TGFB2: variants seen among roughly 807,000 people sequenced by gnomAD.
The protein encoded by TGFB2 is transforming growth factor beta-2 proprotein.
In TGFB2, 13 loss-of-function variants were observed where a neutral mutation model predicts 42.7. That is an observed-to-expected ratio of 0.30 (90% CI 0.20 to 0.48). The LOEUF (loss-of-function observed/expected upper bound fraction) is 0.48. Ranked by LOEUF, TGFB2 falls within the 20% of genes least tolerant of loss-of-function variation. The pLI, the probability that TGFB2 is intolerant of heterozygous loss-of-function variation, is 0.99. For synonymous variants in TGFB2, 193 were observed against 193.6 expected, an observed-to-expected ratio of 1.00 and a Z score of 0.03; for missense variants, 390 against 517.5, an observed-to-expected ratio of 0.75 and a Z score of 2.39.
chr1:218,346,909 A>G lies in TGFB2; in HGVS notation c.208A>G (p.Ile70Val), dbSNP rs1656702743. 2 of 1,614,214 alleles carry G rather than the reference A, an allele frequency of 1.2e-6. No homozygotes were observed. Among genetic ancestry groups the G allele is most frequent in the Non-Finnish European group, 1.7e-6 (2 of 1,180,052 alleles). ...PEEVPPEVIS[I>V]YNSTRDLLQE... ...GGAAGTCCCCCCGGAGGTGATTTCC[A>G]TCTACAACAGCACCAGGGACTTGCT... Residue 70 changes from isoleucine (I) to valine (V), a missense_variant, in exon 1 of 7, where the codon ATC (isoleucine) becomes GTC (valine). By Grantham distance (29) the Ile-to-Val change is conservative. Coordinates refer to ENST00000366930, the MANE Select transcript of TGFB2 (RefSeq NM_003238.6). The surrounding 1 kb of genome is among the most constrained non-coding windows in gnomAD (Gnocchi z 4.9).
intron 1 of TGFB2, among the ~76,000 whole-genome samples, chr1:218,391,748 A>G (rs946440485): frequency 7.2e-5 from 11 of 152,260 alleles, no homozygotes; most frequent in African/African-American, 2.7e-4. Context: ...AAAGACTTGT[A>G]ATTTATTAGA....
intron 1 of TGFB2, among the ~76,000 whole-genome samples, chr1:218,386,073 A>G (rs1268234522): frequency 6.6e-6 from 1 of 152,086 alleles, no homozygotes; most frequent in Non-Finnish European, 1.5e-5. Context: ...TCTTCACTGT[A>G]CTGAGCTTGG....
intron 1 of TGFB2, among the ~76,000 whole-genome samples, chr1:218,355,198 C>T (rs1571829467): frequency 6.6e-6 from 1 of 152,264 alleles, no homozygotes; most frequent in East Asian, 1.9e-4. Flanking sequence ...CCGTGCCCAG[C>T]CTTGGTTTTG....
At chr1:218,413,752 C>G (rs904173593) in intron 2 of TGFB2, among the ~76,000 whole-genome samples, 13 of 152,208 alleles carry the variant, frequency 8.5e-5, no homozygotes, top group Admixed American at 7.2e-4. Context: ...TGACCTCTTT[C>G]CTTCGGATTT....
At chr1:218,440,340 A>C (rs929475957) in intron 6 of TGFB2, among the ~76,000 whole-genome samples, 7 of 136,502 alleles carry the variant, frequency 5.1e-5, no homozygotes, top group African/African-American at 2.0e-4. Flanking sequence ...TGGTAAAAAA[A>C]CAGGCTTTTT....
intron 1 of TGFB2, among the ~76,000 whole-genome samples, chr1:218,402,132 C>A (rs578188243): frequency 7.9e-5 from 12 of 152,264 alleles, no homozygotes; most frequent in African/African-American, 2.4e-4. Context: ...GGAAGGCTAC[C>A]GGCTCCTCCC....
intron 1 of TGFB2, among the ~76,000 whole-genome samples, chr1:218,385,103 A>AT (rs892320391): frequency 1.2e-4 from 18 of 151,600 alleles, no homozygotes; most frequent in African/African-American, 4.1e-4. Context: ...GTTTGATTCT[A>AT]TTTTTTCCCC....
intron 2 of TGFB2, among the ~76,000 whole-genome samples, chr1:218,409,780 A>C (rs1303707264): frequency 6.6e-6 from 1 of 152,176 alleles, no homozygotes; most frequent in African/African-American, 2.4e-5. Flanking sequence ...TTACTGTACT[A>C]CTTGACACAC....
At chr1:218,394,955 C>T (rs901796270) in intron 1 of TGFB2, among the ~76,000 whole-genome samples, 1 of 152,156 alleles carries the variant, frequency 6.6e-6, no homozygotes, top group Non-Finnish European at 1.5e-5. Context: ...TTGCCACACT[C>T]TGGGGAATGG....
At chr1:218,405,761 A>G (rs1272750350) in intron 2 of TGFB2, among the ~76,000 whole-genome samples, 2 of 152,158 alleles carry the variant, frequency 1.3e-5, no homozygotes, top group Non-Finnish European at 1.5e-5. Context: ...AAGCCATGCT[A>G]TATATTCACA....
chr1:218,407,277 C>T (rs185266396), intron 2 of TGFB2, among the ~76,000 whole-genome samples: 41 of 152,246 alleles, frequency 2.7e-4, no homozygotes, highest in African/African-American at 9.4e-4. Context: ...TGAGTTCTCG[C>T]TTTGTTGCCA....
intron 1 of TGFB2, among the ~76,000 whole-genome samples, chr1:218,386,417 T>C (rs1658139844): frequency 6.6e-6 from 1 of 152,210 alleles, no homozygotes; most frequent in Admixed American, 6.5e-5. Context: ...AAGCCCTTTG[T>C]AAGTTGTTTT....
chr1:218,374,077 G>A (rs948376266), intron 1 of TGFB2, among the ~76,000 whole-genome samples: 1 of 152,180 alleles, frequency 6.6e-6, no homozygotes, highest in African/African-American at 2.4e-5. Flanking sequence ...TCTAGGCTGG[G>A]TAATAATTAG....
intron 2 of TGFB2, among the ~76,000 whole-genome samples, chr1:218,420,873 T>A (rs540711103): frequency 6.6e-6 from 1 of 152,314 alleles, no homozygotes; most frequent in South Asian, 2.1e-4. Flanking sequence ...GAGGCTGATA[T>A]GTATTCCACG....
chr1:218,398,275 T>A (rs1463774289), intron 1 of TGFB2, among the ~76,000 whole-genome samples: 1 of 152,246 alleles, frequency 6.6e-6, no homozygotes, highest in Non-Finnish European at 1.5e-5. Context: ...GAACCACTGC[T>A]TTAGCAAATA....
chr1:218,437,288 AG>A, intron 5 of TGFB2, 54 bp from the exon 6 acceptor site: 1 of 1,498,922 alleles, frequency 6.7e-7, no homozygotes, highest in Non-Finnish European at 8.9e-7. Context: ...TGGTAGAGTG[AG>A]GGTGGTGAAT....
chr1:218,419,017 A>T (rs938293371), intron 2 of TGFB2, among the ~76,000 whole-genome samples: 2 of 152,208 alleles, frequency 1.3e-5, no homozygotes, highest in Admixed American at 6.5e-5. Flanking sequence ...AGCTGTTTAC[A>T]GCATAGCAAT....
At chr1:218,397,734 G>C (rs1391571015) in intron 1 of TGFB2, among the ~76,000 whole-genome samples, 2 of 152,164 alleles carry the variant, frequency 1.3e-5, no homozygotes, top group Admixed American at 6.5e-5. Context: ...AAGAAAGACT[G>C]TTATATAGGA....
At chr1:218,394,364 G>A (rs1658426411) in intron 1 of TGFB2, among the ~76,000 whole-genome samples, 1 of 152,156 alleles carries the variant, frequency 6.6e-6, no homozygotes, top group Admixed American at 6.5e-5. Flanking sequence ...CTCCGTGTAG[G>A]TGGGGTTTTA....
Sources: gnomAD v4.1 joint callset for allele counts (sites outside exome capture counted in the v4.1 genomes callset) on GRCh38, gnomAD v4.1.1 for gene constraint, Gnocchi (gnomAD v3.1) non-coding constraint, MANE v1.5 for transcripts, NCBI Gene and HGNC (gene_info 2026-07-23, HGNC 2026-07-21) for gene names.